CCDC146: variants seen among roughly 807,000 people sequenced by gnomAD.
The protein encoded by CCDC146 is coiled-coil domain-containing protein 146.
A neutral mutation model predicts 119.3 loss-of-function variants in CCDC146; 92 were observed. The ratio of observed to expected loss-of-function variants is 0.77; its 90% CI spans 0.65 to 0.92. The LOEUF (loss-of-function observed/expected upper bound fraction) is 0.92. Among genes scored for constraint, CCDC146 ranks in the 40% least tolerant of loss-of-function variants. CCDC146 has a pLI of 0.00. For synonymous variants in CCDC146, 372 were observed against 371.8 expected (o/e 1.00, Z -0.01); for missense variants, 1,000 against 1,103.0 (o/e 0.91, Z 1.32).
At position 77,279,206 on chromosome 7, in the gene CCDC146, A is replaced by G. The variant is rs1324495087; in HGVS notation, c.1694+105A>G. On this transcript the variant is annotated intron_variant, in intron 13 of 18. Transcript: ENST00000285871. ...AGATAGGAAAGAGGCAGAGGCTGCA[A>G]TGAGCCAAGATGGTGCCACTGCCCT... The G allele has an allele frequency of 1.8e-5, 20 of 1,095,718 alleles. No individual in the cohort carries two copies. The Admixed American group carries it at 2.7e-4, about 15-fold the overall frequency. The allele number at this position is 1,095,718 out of a possible 1,614,324, so 67.9% of individuals were successfully genotyped here.
chr7:77,274,035 T>A (rs1793577602), intron 10 of CCDC146, among the ~76,000 whole-genome samples: 2 of 152,224 alleles, frequency 1.3e-5, no homozygotes, highest in Admixed American at 6.5e-5. Context: ...GGGCTGTTGA[T>A]TACATTAAAA....
At chr7:77,221,876 C>T (rs1792410772) in intron 2 of CCDC146, among the ~76,000 whole-genome samples, 3 of 152,296 alleles carry the variant, frequency 2.0e-5, no homozygotes, top group African/African-American at 2.4e-5. Flanking sequence ...AAACGAAACA[C>T]TTGCAGAAAA....
chr7:77,270,815 T>C (rs977147828), intron 9 of CCDC146, among the ~76,000 whole-genome samples: 8 of 152,198 alleles, frequency 5.3e-5, no homozygotes, highest in Non-Finnish European at 7.3e-5. Context: ...TGTTTCTCCA[T>C]GGTCAGAAAA....
intron 2 of CCDC146, among the ~76,000 whole-genome samples, chr7:77,234,902 C>G (rs188060958): frequency 6.6e-6 from 1 of 152,172 alleles, no homozygotes; most frequent in Admixed American, 6.5e-5. Context: ...GAAGCCAGGC[C>G]TGGCACCAGA....
intron 15 of CCDC146, among the ~76,000 whole-genome samples, chr7:77,283,050 C>G: frequency 6.6e-6 from 1 of 152,204 alleles, no homozygotes; most frequent in Non-Finnish European, 1.5e-5. Flanking sequence ...TTATCTCTAG[C>G]TCAGCTTCCT....
chr7:77,165,891 T>G (rs989272314), intron 1 of CCDC146, among the ~76,000 whole-genome samples: 1 of 152,216 alleles, frequency 6.6e-6, no homozygotes, highest in African/African-American at 2.4e-5. Context: ...TCTCCAGTTT[T>G]GAAAATTGCT....
chr7:77,184,523 T>G (rs532766722), intron 2 of CCDC146, among the ~76,000 whole-genome samples: 1 of 152,238 alleles, frequency 6.6e-6, no homozygotes, highest in Non-Finnish European at 1.5e-5. Flanking sequence ...AATTTACTTG[T>G]AAATGACACA....
intron 1 of CCDC146, among the ~76,000 whole-genome samples, chr7:77,129,825 T>C (rs1790756120): frequency 6.6e-6 from 1 of 152,184 alleles, no homozygotes; most frequent in African/African-American, 2.4e-5. Context: ...TCTTTAAATA[T>C]GGTTTCCTTT....
intron 8 of CCDC146, among the ~76,000 whole-genome samples, chr7:77,260,506 A>C (rs977644928): frequency 1.3e-5 from 2 of 152,220 alleles, no homozygotes; most frequent in African/African-American, 4.8e-5. Context: ...AAAATTTATC[A>C]CTGGAGTATG....
chr7:77,145,718 T>C (rs1026150481), intron 1 of CCDC146, among the ~76,000 whole-genome samples: 1 of 152,126 alleles, frequency 6.6e-6, no homozygotes, highest in Non-Finnish European at 1.5e-5. Context: ...TTCCATGTAG[T>C]TGAGCGGTTT....
At chr7:77,219,891 C>T (rs148604172) in intron 2 of CCDC146, among the ~76,000 whole-genome samples, 128 of 152,136 alleles carry the variant, frequency 8.4e-4, no homozygotes, top group African/African-American at 3.1e-3. Context: ...TATCAAAGGG[C>T]AGAGAGGCAG....
At chr7:77,203,404 T>C (rs1397376745) in intron 2 of CCDC146, among the ~76,000 whole-genome samples, 1 of 52,522 alleles carries the variant, frequency 1.9e-5, no homozygotes, top group African/African-American at 3.1e-4. Flanking sequence ...AAGCAAAGAG[T>C]GGTGGCACAT....
intron 2 of CCDC146, among the ~76,000 whole-genome samples, chr7:77,230,308 T>C (rs1792600759): frequency 6.6e-6 from 1 of 152,234 alleles, no homozygotes; most frequent in South Asian, 2.1e-4. Context: ...GTACACTCTT[T>C]GCTTTTTCAC....
chr7:77,172,663 CTT>C (rs1184725747), intron 2 of CCDC146, among the ~76,000 whole-genome samples: 1 of 152,148 alleles, frequency 6.6e-6, no homozygotes, highest in East Asian at 1.9e-4. Flanking sequence ...AGGAGCTACT[CTT>C]TATGTTGTTC....
intron 9 of CCDC146, among the ~76,000 whole-genome samples, chr7:77,270,373 T>C (rs1241297583): frequency 7.3e-5 from 11 of 151,638 alleles, no homozygotes. Context: ...ACAATCACAA[T>C]AAATACATTT....
At chr7:77,215,845 A>C (rs1023871941) in intron 2 of CCDC146, among the ~76,000 whole-genome samples, 3 of 152,160 alleles carry the variant, frequency 2.0e-5, no homozygotes, top group African/African-American at 7.2e-5. Flanking sequence ...ATTCCTATTC[A>C]AATTGGAATG....
rs201635901 is a variant in CCDC146, at chr7:77,148,860, C to T, written c.-11-18798C>T. On this transcript the variant is annotated intron_variant, in intron 1 of 18. Coordinates refer to ENST00000285871, the MANE Select transcript of CCDC146 (RefSeq NM_020879.3). Reference sequence around the variant, plus strand: ...CAAACAAATGGAAAAACATTCCATGCTCATGGATAAGAAGAATCAATACTG... The same window carrying T: ...CAAACAAATGGAAAAACATTCCATGTTCATGGATAAGAAGAATCAATACTG... Among the ~76,000 whole-genome samples, 16 of 152,006 alleles carry T rather than the reference C, an allele frequency of 1.1e-4. No homozygotes were observed. In the East Asian group the frequency reaches 3.1e-3, roughly 29 times the overall value.
At chr7:77,245,112 TAATA>T (rs1480199797) in intron 4 of CCDC146, among the ~76,000 whole-genome samples, 1 of 152,246 alleles carries the variant, frequency 6.6e-6, no homozygotes, top group Non-Finnish European at 1.5e-5. Flanking sequence ...CTTTTAATGT[TAATA>T]AATCTAATTA....
chr7:77,139,452 A>G (rs1172629694), intron 1 of CCDC146, among the ~76,000 whole-genome samples: 4 of 152,252 alleles, frequency 2.6e-5, no homozygotes, highest in Non-Finnish European at 4.4e-5. Context: ...ACCTGTCATT[A>G]TACATTTGTT....
Sources: gnomAD v4.1 joint callset for allele counts (sites outside exome capture counted in the v4.1 genomes callset) on GRCh38, gnomAD v4.1.1 for gene constraint, MANE v1.5 for transcripts, NCBI Gene and HGNC (gene_info 2026-07-23, HGNC 2026-07-21) for gene names.